The following FBXW8 variants were observed in gnomAD, a reference collection of about 807,000 sequenced individuals.
FBXW8 encodes F-box and WD repeat domain containing 8, also known as F-box/WD repeat-containing protein 8.
Under a neutral mutation model 65.3 loss-of-function variants are expected in FBXW8, and 57 were observed. That is an observed-to-expected ratio of 0.87 (90% CI 0.71 to 1.09). FBXW8 has a LOEUF of 1.09. FBXW8 is among the 50% of genes least tolerant of loss of function. FBXW8 has a pLI of 0.00. For missense variants in FBXW8, 777 were observed against 814.8 expected, an observed-to-expected ratio of 0.95 and a Z score of 0.57; for synonymous variants, 308 against 330.2, an observed-to-expected ratio of 0.93 and a Z score of 0.73.
intron 5 of FBXW8, among the ~76,000 whole-genome samples, chr12:116,968,012 C>T (rs1003117878): frequency 4.6e-5 from 7 of 152,250 alleles, no homozygotes; most frequent in Admixed American, 2.0e-4. Flanking sequence ...AAGTGATCTG[C>T]CTGTCTTGGC....
chr12:116,965,025 C>T (rs1055263554), intron 5 of FBXW8, among the ~76,000 whole-genome samples, 171 bp downstream of exon 5: 2 of 152,198 alleles, frequency 1.3e-5, no homozygotes, highest in Admixed American at 1.3e-4. Context: ...TGGCCAACAA[C>T]CGTCAATGCA....
At chr12:116,990,418 C>T (rs1430930819) in intron 7 of FBXW8, among the ~76,000 whole-genome samples, 1 of 152,080 alleles carries the variant, frequency 6.6e-6, no homozygotes, top group African/African-American at 2.4e-5. Context: ...AAGGCAGTTT[C>T]CTTTCTCATG....
intron 1 of FBXW8, among the ~76,000 whole-genome samples, chr12:116,913,138 C>G (rs908527803): frequency 3.9e-5 from 6 of 152,116 alleles, no homozygotes; most frequent in African/African-American, 9.7e-5. Context: ...AACTCCATCA[C>G]CAGGGAAGGG....
intron 2 of FBXW8, among the ~76,000 whole-genome samples, chr12:116,941,930 C>T (rs1882595478): frequency 6.6e-6 from 1 of 152,192 alleles, no homozygotes; most frequent in African/African-American, 2.4e-5. Context: ...AAAAACTCTG[C>T]TCTGAGATAA....
intron 8 of FBXW8, among the ~76,000 whole-genome samples, chr12:117,011,263 G>A (rs757404746): frequency 3.9e-5 from 6 of 151,970 alleles, no homozygotes; most frequent in Non-Finnish European, 7.4e-5. Context: ...CGGGCTGCTC[G>A]GAGGCGGGTG....
At chr12:117,003,988 T>C (rs1319078961) in intron 7 of FBXW8, among the ~76,000 whole-genome samples, 1 of 152,206 alleles carries the variant, frequency 6.6e-6, no homozygotes, top group Non-Finnish European at 1.5e-5. Flanking sequence ...TCTTGGCCCT[T>C]ATCTTACTGG....
At position 116,988,840 on chromosome 12, in the gene FBXW8, G is replaced by A; in HGVS notation, c.1210G>A (p.Gly404Ser). 1 of 1,614,008 alleles carries A rather than the reference G, an allele frequency of 6.2e-7. No homozygotes were observed. Among genetic ancestry groups the A allele is most frequent in the Non-Finnish European group, 8.5e-7 (1 of 1,180,014 alleles). ...SANQVAFGVQ[G>S]LGWVYEGSKI... Reference sequence around the variant, plus strand: ...CAACCAAGTTGCTTTTGGTGTACAGGGTCTGGGATGGGTGTACGAAGGAAG... The same window carrying A: ...CAACCAAGTTGCTTTTGGTGTACAGAGTCTGGGATGGGTGTACGAAGGAAG... The change falls in exon 7 of 11, where the codon GGT becomes AGT. Residue 404 changes from glycine (G) to serine (S), a missense_variant. Physicochemically the swap from Gly to Ser is moderately conservative, Grantham distance 56. Coordinates refer to ENST00000652555, the MANE Select transcript of FBXW8 (RefSeq NM_153348.3).
intron 1 of FBXW8, among the ~76,000 whole-genome samples, chr12:116,914,317 G>C (rs956915330): frequency 1.3e-5 from 2 of 151,542 alleles, no homozygotes; most frequent in South Asian, 4.2e-4. Flanking sequence ...GGTGGCTCAT[G>C]CCTGTAATCC....
rs199840349 is a variant in FBXW8, at chr12:116,945,443, A to G, written c.503A>G (p.Asp168Gly). The G allele has an allele frequency of 4.3e-6, 7 of 1,614,036 alleles. No homozygotes were observed. Among genetic ancestry groups the G allele is most frequent in the Non-Finnish European group, 5.9e-6 (7 of 1,180,028 alleles). Residue 168 changes from aspartate to glycine, a missense_variant, in exon 3 of 11, where the codon GAT (aspartate) becomes GGT (glycine). Transcript: ENST00000652555. ...RLCQQEGHLP[D>G]SSISDYSCWK... Reference sequence around the variant, plus strand: ...TGCCAGCAGGAAGGGCACCTTCCGGATAGCAGCATCTCTGACTATTCTTGC... The same window carrying G: ...TGCCAGCAGGAAGGGCACCTTCCGGGTAGCAGCATCTCTGACTATTCTTGC...
Position 117,010,425 on chromosome 12 carries a change from A to G in FBXW8, c.1342A>G (p.Met448Val), listed in dbSNP as rs759241928. The G allele has an allele frequency of 1.1e-5, 18 of 1,614,076 alleles. No individual in the cohort carries two copies. In the South Asian group the frequency reaches 1.4e-4, roughly 13 times the overall value. ...CCTCAGCGACAGCCCTCCCAACCTCATGGTCAGTGGCAACATGGACGGGAG... is the reference window on the plus strand; with the variant it reads ...CCTCAGCGACAGCCCTCCCAACCTCGTGGTCAGTGGCAACATGGACGGGAG... ...VNLSDSPPNL[M>V]VSGNMDGRVR... Residue 448 changes from methionine to valine, a missense_variant, in exon 8 of 11, where the codon ATG becomes GTG. Physicochemically the swap from Met to Val is conservative, Grantham distance 21. Coordinates refer to ENST00000652555, the MANE Select transcript of FBXW8 (RefSeq NM_153348.3).
At chr12:116,917,767 T>C (rs996050555) in intron 1 of FBXW8, among the ~76,000 whole-genome samples, 1 of 151,990 alleles carries the variant, frequency 6.6e-6, no homozygotes, top group Non-Finnish European at 1.5e-5. Flanking sequence ...CCGAGGTGGA[T>C]GGATCACGAG....
intron 1 of FBXW8, among the ~76,000 whole-genome samples, chr12:116,919,076 T>C (rs1288291665): frequency 6.6e-6 from 1 of 152,198 alleles, no homozygotes; most frequent in Admixed American, 6.5e-5. Context: ...TATAATGTTA[T>C]ATGAATGTGG....
intron 9 of FBXW8, 121 bp from the exon 10 acceptor site, chr12:117,027,273 G>A: frequency 1.3e-6 from 1 of 755,694 alleles, no homozygotes; most frequent in Non-Finnish European, 2.3e-6. Context: ...TTCCCTCTGT[G>A]AAAGAGAAGC....
chr12:117,016,795 G>A (rs1248217934), intron 8 of FBXW8, among the ~76,000 whole-genome samples: 1 of 152,190 alleles, frequency 6.6e-6, no homozygotes, highest in Non-Finnish European at 1.5e-5. Flanking sequence ...TCCATTTGGA[G>A]TTAATTTTTG....
chr12:116,928,118 A>T lies in FBXW8; in HGVS notation c.414A>T (p.Arg138Ser). 1.2e-6 allele frequency: 2 copies of T among 1,604,524 alleles called. No individual in the cohort carries two copies. Among genetic ancestry groups the T allele is most frequent in the Non-Finnish European group, 8.5e-7 (1 of 1,172,776 alleles). ...FQYLDRKELGRCAQVSKTWKV... is the reference protein window; with the variant it reads ...FQYLDRKELGSCAQVSKTWKV... ...ATCTGGACAGGAAAGAACTAGGAAG[A>T]TGTGCACAGGTAAGGTGTCACCAAC... Residue 138 changes from arginine (R) to serine (S), a missense_variant, in exon 2 of 11, where the codon AGA (arginine) becomes AGT (serine). Physicochemically the swap from Arg to Ser is moderately radical, Grantham distance 110. Coordinates refer to ENST00000652555, the MANE Select transcript of FBXW8 (RefSeq NM_153348.3).
intron 5 of FBXW8, among the ~76,000 whole-genome samples, chr12:116,971,610 T>C (rs994323918): frequency 6.6e-6 from 1 of 152,200 alleles, no homozygotes; most frequent in African/African-American, 2.4e-5. Flanking sequence ...ATCTGTGTTA[T>C]ATCTGAATAA....
chr12:116,939,728 G>C (rs1882425895), intron 2 of FBXW8, among the ~76,000 whole-genome samples: 1 of 152,162 alleles, frequency 6.6e-6, no homozygotes, highest in South Asian at 2.1e-4. Context: ...AACCTGTAAA[G>C]GTCTTTATAT....
chr12:117,021,775 G>C (rs1308875418), intron 8 of FBXW8, among the ~76,000 whole-genome samples: 1 of 151,700 alleles, frequency 6.6e-6, no homozygotes, highest in South Asian at 2.1e-4. Flanking sequence ...TTTTCCTTTT[G>C]TCTAATTGTG....
At chr12:116,982,886 A>AAACT (rs973511363) in intron 5 of FBXW8, among the ~76,000 whole-genome samples, 3 of 152,108 alleles carry the variant, frequency 2.0e-5, no homozygotes, top group African/African-American at 7.2e-5. Flanking sequence ...GCTCATAGTT[A>AAACT]TTTTATGCAC....
Sources: gnomAD v4.1 joint callset for allele counts (sites outside exome capture counted in the v4.1 genomes callset) on GRCh38, gnomAD v4.1.1 for gene constraint, MANE v1.5 for transcripts, NCBI Gene and HGNC (gene_info 2026-07-23, HGNC 2026-07-21) for gene names.